The following PJA2 variants were observed in gnomAD, a reference collection of about 807,000 sequenced individuals.
PJA2 encodes E3 ubiquitin-protein ligase Praja-2.
In PJA2, 25 loss-of-function variants were observed where a neutral mutation model predicts 69.3. The observed-to-expected ratio is 0.36, with a 90% CI of 0.26 to 0.50. PJA2 has a LOEUF of 0.50. Among genes scored for constraint, PJA2 ranks in the 20% least tolerant of loss-of-function variants. The probability of loss-of-function intolerance (pLI) is 0.96; values close to 1 mark genes in which losing one functional copy is unlikely to be tolerated. For synonymous variants in PJA2, 308 were observed against 277.8 expected (o/e 1.11, Z -1.08); for missense variants, 809 against 830.2 (o/e 0.97, Z 0.31).
chr5:109,369,816 T>C (rs1243763995), intron 4 of PJA2, among the ~76,000 whole-genome samples: 1 of 152,108 alleles, frequency 6.6e-6, no homozygotes, highest in Non-Finnish European at 1.5e-5. Flanking sequence ...GCAGATCACC[T>C]GAGGTCGGGA....
At chr5:109,369,451 C>T (rs1366970874) in intron 4 of PJA2, among the ~76,000 whole-genome samples, 2 of 152,132 alleles carry the variant, frequency 1.3e-5, no homozygotes, top group East Asian at 3.9e-4. Flanking sequence ...AGACACATTT[C>T]TAAATAAATT....
chr5:109,347,337 C>T (rs1466115989), intron 7 of PJA2, among the ~76,000 whole-genome samples: 2 of 152,226 alleles, frequency 1.3e-5, no homozygotes, highest in Non-Finnish European at 2.9e-5. Context: ...TGGAGAGACA[C>T]AAGGAAAGGA....
Position 109,344,685 on chromosome 5 carries a change from G to C in PJA2, c.1879+20C>G. ...ATGTACAATGTGTTCTTCAACATTT[G>C]AGATCAACTTTGCCCTTACCAGTGT... On this transcript the variant is annotated intron_variant, in intron 8 of 9. Coordinates refer to ENST00000361189, the MANE Select transcript of PJA2 (RefSeq NM_014819.5). 1 of 1,472,238 alleles carries C rather than the reference G, an allele frequency of 6.8e-7. No individual in the cohort carries two copies. The allele number at this position is 1,472,238 out of a possible 1,614,324, so 91.2% of individuals were successfully genotyped here.
At chr5:109,405,352 T>C (rs1300745011) in intron 1 of PJA2, among the ~76,000 whole-genome samples, 3 of 152,230 alleles carry the variant, frequency 2.0e-5, no homozygotes, top group South Asian at 2.1e-4. Context: ...TCTTCCTAAA[T>C]TGATCTATGC....
intron 5 of PJA2, among the ~76,000 whole-genome samples, chr5:109,366,387 T>C (rs1762585737): frequency 6.6e-6 from 1 of 152,242 alleles, no homozygotes; most frequent in Admixed American, 6.5e-5. Context: ...GACTAATTTT[T>C]GAAAAACTGG....
chr5:109,378,971 G>C lies in PJA2; in HGVS notation c.516C>G (p.Gly172=), dbSNP rs201870061. Residue 172 remains glycine, a synonymous_variant, in exon 4 of 10, where the codon GGC becomes GGG. Transcript: ENST00000361189. ...GATGGTCATTATCTTCTCCATGTTT[G>C]CCATCTGGATCATAAGAGTCTGTAT... ...LVHTDSYDPD[G]KHGEDNDHLQ... is the part of the protein sequence containing the mutation. The C allele has an allele frequency of 5.5e-5, 88 of 1,614,056 alleles. No individual in the cohort carries two copies. In the East Asian group the frequency reaches 1.9e-3, roughly 36 times the overall value.
chr5:109,386,135 G>C (rs1582619932), intron 1 of PJA2, among the ~76,000 whole-genome samples: 1 of 150,672 alleles, frequency 6.6e-6, no homozygotes. Flanking sequence ...AAAAAAAAAA[G>C]TTTCAGATTT....
chr5:109,362,785 T>C (rs893768189), intron 6 of PJA2, 55 bp downstream of exon 6: 52 of 1,445,084 alleles, frequency 3.6e-5, no homozygotes, highest in Non-Finnish European at 4.9e-5. Flanking sequence ...TTTCATAAAT[T>C]AGAATCATGA....
At chr5:109,375,254 A>T (rs921034438) in intron 4 of PJA2, among the ~76,000 whole-genome samples, 1 of 152,178 alleles carries the variant, frequency 6.6e-6, no homozygotes, top group African/African-American at 2.4e-5. Context: ...TCACGCCTGT[A>T]ATCTTGACAC....
chr5:109,404,970 G>A (rs1747649099), intron 1 of PJA2, among the ~76,000 whole-genome samples: 1 of 152,170 alleles, frequency 6.6e-6, no homozygotes, highest in Non-Finnish European at 1.5e-5. Context: ...AAAGGTGGAA[G>A]GAGTTACATA....
chr5:109,336,698 G>C lies in PJA2; in HGVS notation c.*533C>G, dbSNP rs977678452. The stretch of plus-strand genomic sequence containing the variant: ...TAGCCTTCATTTGGCATTCTGAAAA[G>C]TTCTAATTTTAAACAAAAATGGACT... On this transcript the variant is annotated 3_prime_UTR_variant, in exon 10 of 10. Transcript: ENST00000361189. 2 of 152,148 alleles carry C rather than the reference G, an allele frequency of 1.3e-5. No individual in the cohort carries two copies. Among genetic ancestry groups the C allele is most frequent in the African/African-American group, 2.4e-5 (1 of 41,430 alleles). 9.4% of individuals were successfully genotyped at this position (152,148 alleles called of 1,614,324 possible). A position where few individuals can be genotyped will look rare whatever the true frequency, so the allele number is the denominator to read the frequency against.
At position 109,347,782 on chromosome 5, in the gene PJA2, T is replaced by C. The variant is rs545365783; in HGVS notation, c.1765-2963A>G. On this transcript the variant is annotated intron_variant, in intron 7 of 9. Coordinates refer to ENST00000361189, the MANE Select transcript of PJA2 (RefSeq NM_014819.5). Reference sequence around the variant, plus strand: ...CTCAGCCCTAAAGCTGTTTCTTAAATCTGCTAATCCTATATTCTTTAGAGT... The same window carrying C: ...CTCAGCCCTAAAGCTGTTTCTTAAACCTGCTAATCCTATATTCTTTAGAGT... Among the ~76,000 whole-genome samples, 5 of 152,392 alleles carry C rather than the reference T, an allele frequency of 3.3e-5. 1 individual carries two copies. The highest frequency in any genetic ancestry group is 1.2e-4 in the African/African-American group (5 of 41,598).
At chr5:109,392,129 A>G (rs1747295082) in intron 1 of PJA2, among the ~76,000 whole-genome samples, 1 of 152,242 alleles carries the variant, frequency 6.6e-6, no homozygotes, top group African/African-American at 2.4e-5. Context: ...TAAATGGCCA[A>G]GAATAACCAA....
intron 1 of PJA2, among the ~76,000 whole-genome samples, chr5:109,386,823 C>T (rs912883217): frequency 3.3e-5 from 5 of 152,010 alleles, no homozygotes; most frequent in Admixed American, 1.3e-4. Context: ...ACCTGTCTAC[C>T]TATTTATCCT....
At chr5:109,391,396 G>T (rs995907841) in intron 1 of PJA2, among the ~76,000 whole-genome samples, 1 of 152,014 alleles carries the variant, frequency 6.6e-6, no homozygotes, top group African/African-American at 2.4e-5. Flanking sequence ...GAGTCTGCTG[G>T]TGACAACTTC....
intron 6 of PJA2, among the ~76,000 whole-genome samples, chr5:109,359,948 T>A (rs1762481800): frequency 6.6e-6 from 1 of 152,072 alleles, no homozygotes; most frequent in African/African-American, 2.4e-5. Context: ...TGCAACTTAC[T>A]CATAAGTGGG....
chr5:109,356,048 A>C (rs565983300), intron 6 of PJA2, 22 bp from the exon 7 acceptor site: 3 of 1,514,976 alleles, frequency 2.0e-6, no homozygotes, highest in East Asian at 2.3e-5. Flanking sequence ...AAAAAATAAC[A>C]GAAAAAACTC....
chr5:109,344,937 G>A, intron 7 of PJA2, 118 bp from the exon 8 acceptor site: 1 of 634,918 alleles, frequency 1.6e-6, no homozygotes, highest in Middle Eastern at 4.4e-4. Context: ...AGTTTCTTTT[G>A]CTTTAGTCCT....
intron 3 of PJA2, among the ~76,000 whole-genome samples, chr5:109,380,969 G>A (rs932811816): frequency 2.6e-5 from 4 of 151,830 alleles, no homozygotes; most frequent in African/African-American, 4.8e-5. Flanking sequence ...ACAAAAATTA[G>A]CTGGGTGCAG....
Sources: allele counts gnomAD v4.1 joint callset (sites outside exome capture counted in the v4.1 genomes callset), GRCh38; gene constraint gnomAD v4.1.1; transcripts MANE v1.5; gene names NCBI Gene and HGNC (gene_info 2026-07-23, HGNC 2026-07-21).